Variants in RUNX1 observed in about 807,000 individuals in gnomAD.
The protein encoded by RUNX1 is runt-related transcription factor 1.
In RUNX1, 19 loss-of-function variants were observed where a neutral mutation model predicts 42.8. The ratio of observed to expected loss-of-function variants is 0.44; its 90% CI spans 0.31 to 0.65. The LOEUF is 0.65. RUNX1 is among the 30% of genes least tolerant of loss of function. The probability of loss-of-function intolerance (pLI) is 0.07; values close to 1 mark genes in which losing one functional copy is unlikely to be tolerated. For synonymous variants in RUNX1, 271 were observed against 289.4 expected, an observed-to-expected ratio of 0.94 and a Z score of 0.64; for missense variants, 528 against 672.0, an observed-to-expected ratio of 0.79 and a Z score of 2.37.
chr21:35,031,742 A>C (rs977709414), intron 2 of RUNX1, among the ~76,000 whole-genome samples: 2 of 152,238 alleles, frequency 1.3e-5, no homozygotes, highest in Non-Finnish European at 2.9e-5. Context: ...CTTGGAGTAC[A>C]TTACACTAAA....
intron 2 of RUNX1, among the ~76,000 whole-genome samples, chr21:35,024,959 T>C (rs2059225271): frequency 6.6e-6 from 1 of 152,234 alleles, no homozygotes; most frequent in Non-Finnish European, 1.5e-5. Context: ...TGACAATACC[T>C]GTCTTGTTCA....
At chr21:34,994,687 AAAAT>A (rs1483896664) in intron 2 of RUNX1, among the ~76,000 whole-genome samples, 9 of 152,188 alleles carry the variant, frequency 5.9e-5, no homozygotes, top group Non-Finnish European at 1.0e-4. Context: ...ATTAAAAAGA[AAAAT>A]AAATAAACGA....
chr21:34,835,460 T>C (rs1189555391), intron 6 of RUNX1, among the ~76,000 whole-genome samples: 1 of 152,006 alleles, frequency 6.6e-6, no homozygotes, highest in African/African-American at 2.4e-5. Flanking sequence ...AGTGTCTATA[T>C]AGATAGCAAG....
At chr21:35,036,856 G>T (rs573863130) in intron 2 of RUNX1, among the ~76,000 whole-genome samples, 1 of 152,322 alleles carries the variant, frequency 6.6e-6, no homozygotes, top group South Asian at 2.1e-4. Context: ...TGGATGAGAA[G>T]TGTTTGGGGC....
Position 34,896,509 on chromosome 21 carries a change from C to G in RUNX1, c.59-3546G>C, listed in dbSNP as rs376818901. On this transcript the variant is annotated intron_variant, in intron 2 of 8. Coordinates refer to ENST00000675419, the MANE Select transcript of RUNX1 (RefSeq NM_001754.5). ...ACCAGCCTGACCAACATGGTAAAAC[C>G]CTGTCTCTACTAAAAATACAAAAAT... 5.3e-5 allele frequency among the ~76,000 whole-genome samples: 8 copies of G among 152,236 alleles called. No homozygotes were observed. The East Asian group carries it at 1.2e-3, about 22-fold the overall frequency.
chr21:34,969,800 T>C (rs1328533864), intron 2 of RUNX1, among the ~76,000 whole-genome samples: 1 of 151,216 alleles, frequency 6.6e-6, no homozygotes, highest in African/African-American at 2.4e-5. Flanking sequence ...AATCTAATTA[T>C]AACTTTCCAC....
At chr21:34,794,606 G>GT (rs2056499148) in intron 8 of RUNX1, among the ~76,000 whole-genome samples, 1 of 152,226 alleles carries the variant, frequency 6.6e-6, no homozygotes, top group South Asian at 2.1e-4. Flanking sequence ...TGGATTTACA[G>GT]TTTCACCAAC....
chr21:34,899,446 A>C (rs777113226), intron 2 of RUNX1, among the ~76,000 whole-genome samples: 1 of 151,894 alleles, frequency 6.6e-6, no homozygotes, highest in Non-Finnish European at 1.5e-5. Context: ...CCCTCCACCG[A>C]ACCCAATCGT....
chr21:34,836,153 T>G (rs1227389349), intron 6 of RUNX1, among the ~76,000 whole-genome samples: 1 of 152,216 alleles, frequency 6.6e-6, no homozygotes, highest in African/African-American at 2.4e-5. Context: ...TGGCCCCTCT[T>G]GTCATGTGTC....
intron 7 of RUNX1, among the ~76,000 whole-genome samples, chr21:34,805,325 A>G (rs1315585481): frequency 6.6e-6 from 1 of 152,238 alleles, no homozygotes; most frequent in Non-Finnish European, 1.5e-5. Context: ...ATGGCTATGA[A>G]TTTTCCAAAA....
intron 2 of RUNX1, among the ~76,000 whole-genome samples, chr21:35,028,291 C>T (rs1430099867): frequency 6.6e-6 from 1 of 152,166 alleles, no homozygotes; most frequent in Non-Finnish European, 1.5e-5. Flanking sequence ...TTTTAACAAA[C>T]GCTTTGAGGA....
intron 6 of RUNX1, among the ~76,000 whole-genome samples, chr21:34,856,633 A>G (rs890004993): frequency 6.6e-6 from 1 of 152,062 alleles, no homozygotes; most frequent in African/African-American, 2.4e-5. Context: ...TTCTGGGGCT[A>G]TTTTCCCTTA....
intron 2 of RUNX1, among the ~76,000 whole-genome samples, chr21:34,925,444 A>T (rs1260497856): frequency 6.6e-6 from 1 of 152,208 alleles, no homozygotes; most frequent in African/African-American, 2.4e-5. Flanking sequence ...TTCTCATAAG[A>T]AGAGGAAAGC....
chr21:34,984,099 T>C (rs2058867079), intron 2 of RUNX1, among the ~76,000 whole-genome samples: 1 of 152,104 alleles, frequency 6.6e-6, no homozygotes, highest in South Asian at 2.1e-4. Flanking sequence ...CATGGGTCTA[T>C]GGTGTTCAAG....
intron 7 of RUNX1, 149 bp from the exon 8 acceptor site, chr21:34,799,611 A>G (rs2056580861): frequency 1.5e-6 from 1 of 660,466 alleles, no homozygotes. Context: ...ACTCAAGTCC[A>G]AGTATCTGCC....
chr21:34,982,303 A>G (rs1047542926), intron 2 of RUNX1, among the ~76,000 whole-genome samples: 2 of 152,148 alleles, frequency 1.3e-5, no homozygotes, highest in Non-Finnish European at 2.9e-5. Flanking sequence ...CATTTACATC[A>G]TTCATTAAGT....
At chr21:34,954,215 A>G (rs1304729977) in intron 2 of RUNX1, among the ~76,000 whole-genome samples, 1 of 152,190 alleles carries the variant, frequency 6.6e-6, no homozygotes, top group Non-Finnish European at 1.5e-5. Context: ...TTTGGCTATA[A>G]TTGAGTAGAG....
Position 34,936,927 on chromosome 21 carries a change from A to G in RUNX1, c.59-43964T>C, listed in dbSNP as rs535008830. On this transcript the variant is annotated intron_variant, in intron 2 of 8. Transcript: ENST00000675419. ...GTGGGAAAAGGGGTTAATTTGATTTAAAAACTGAAAATGATTCTCTATTTG... is the reference window on the plus strand; with the variant it reads ...GTGGGAAAAGGGGTTAATTTGATTTGAAAACTGAAAATGATTCTCTATTTG... Among the ~76,000 whole-genome samples, 8 of 152,262 alleles carry G rather than the reference A, an allele frequency of 5.3e-5. No homozygotes were observed. The South Asian group carries it at 1.7e-3, about 32-fold the overall frequency.
At chr21:34,911,823 C>T (rs888203708) in intron 2 of RUNX1, among the ~76,000 whole-genome samples, 1 of 152,144 alleles carries the variant, frequency 6.6e-6, no homozygotes, top group Admixed American at 6.5e-5. Flanking sequence ...GCCTCAGGAC[C>T]TTTTCAGGGG....
Sources: allele counts gnomAD v4.1 joint callset (sites outside exome capture counted in the v4.1 genomes callset), GRCh38; gene constraint gnomAD v4.1.1; transcripts MANE v1.5; gene names NCBI Gene and HGNC (gene_info 2026-07-23, HGNC 2026-07-21).